The following TTC19 variants were observed in gnomAD, a reference collection of about 807,000 sequenced individuals.
The protein encoded by TTC19 is tetratricopeptide repeat protein 19, mitochondrial.
TTC19 carries 38 observed loss-of-function variants against 49.5 expected under a neutral mutation model. That is an observed-to-expected ratio of 0.77 (90% CI 0.59 to 1.01). The LOEUF (loss-of-function observed/expected upper bound fraction) is 1.01, where lower values mean the gene tolerates loss of function less well. Among genes scored for constraint, TTC19 ranks in the 50% least tolerant of loss-of-function variants. TTC19 has a pLI of 0.00. For missense variants in TTC19, 475 were observed against 477.7 expected, an observed-to-expected ratio of 0.99 and a Z score of 0.05; for synonymous variants, 204 against 185.2, an observed-to-expected ratio of 1.10 and a Z score of -0.83.
rs534021749 is a variant in TTC19 at position 16,034,554 on chromosome 17, G to A, written c.247+7852G>A. Among the ~76,000 whole-genome samples the A allele has an allele frequency of 8.7e-4, 132 of 152,216 alleles. 2 individuals carry two copies. Among genetic ancestry groups the A allele is most frequent in the South Asian group, 6.2e-3 (30 of 4,826 alleles). ...GCCTCAGAGGTCGAGGCTGCAGTGA[G>A]CCATGATCATGCCATTGCATTCCAG... On this transcript the variant is annotated intron_variant, in intron 2 of 2. Coordinates refer to the TTC19 transcript ENST00000470649.
chr17:16,044,491 T>C (rs2058324450), intron 2 of TTC19: 1 of 477,440 alleles, frequency 2.1e-6, no homozygotes, highest in South Asian at 1.5e-5. Flanking sequence ...AAGCAGATCG[T>C]CCTTTCCTCA....
At chr17:16,042,919 C>T (rs1163201273) in intron 2 of TTC19, among the ~76,000 whole-genome samples, 1 of 152,150 alleles carries the variant, frequency 6.6e-6, no homozygotes, top group African/African-American at 2.4e-5. Flanking sequence ...GAGTTTTCAG[C>T]ATACAAGCGA....
chr17:16,040,549 A>C, intron 2 of TTC19: 1 of 1,454,046 alleles, frequency 6.9e-7, no homozygotes, highest in Non-Finnish European at 9.5e-7. Context: ...TATATACCAA[A>C]CTAAAGTCTC....
chr17:16,001,261 C>T (rs1970720252), intron 2 of TTC19, among the ~76,000 whole-genome samples: 2 of 152,206 alleles, frequency 1.3e-5, no homozygotes, highest in South Asian at 2.1e-4. Context: ...CAACACCCCA[C>T]ATGATCTAAA....
At chr17:16,035,530 CTTTTTTTTTTTT>C (rs966987249) in intron 2 of TTC19, among the ~76,000 whole-genome samples, 1 of 118,340 alleles carries the variant, frequency 8.5e-6, no homozygotes, top group African/African-American at 3.1e-5. Flanking sequence ...TTCTCTTGTT[CTTTTTTTTTTTT>C]TTTTTTTTTT....
chr17:16,002,079 AG>A, intron 3 of TTC19, 54 bp downstream of exon 3: 1 of 1,172,270 alleles, frequency 8.5e-7, no homozygotes. Flanking sequence ...ATGGGAGGGA[AG>A]GGTAGTTAGT....
At chr17:16,004,549 T>G (rs545406020) in intron 6 of TTC19, among the ~76,000 whole-genome samples, 4 of 152,200 alleles carry the variant, frequency 2.6e-5, no homozygotes, top group African/African-American at 9.7e-5. Flanking sequence ...GTTAGAACTT[T>G]AGTTTAACTT....
At chr17:16,001,549 A>G (rs917818829) in intron 2 of TTC19, among the ~76,000 whole-genome samples, 17 of 152,178 alleles carry the variant, frequency 1.1e-4, no homozygotes, top group Non-Finnish European at 2.4e-4. Flanking sequence ...TGTCATCTTT[A>G]TAGCTCTTAT....
intron 6 of TTC19, among the ~76,000 whole-genome samples, chr17:16,005,330 T>A (rs1051218850): frequency 6.6e-6 from 1 of 152,190 alleles, no homozygotes; most frequent in Non-Finnish European, 1.5e-5. Flanking sequence ...TTGCCCTGTG[T>A]TATGGCTAGA....
intron 7 of TTC19, among the ~76,000 whole-genome samples, chr17:16,013,473 C>G (rs537256161): frequency 7.4e-4 from 112 of 152,246 alleles, no homozygotes; most frequent in African/African-American, 2.6e-3. Context: ...TCTCACTCAT[C>G]TTTCCTTATA....
chr17:16,039,856 T>C (rs901140499), intron 2 of TTC19: 7 of 524,508 alleles, frequency 1.3e-5, no homozygotes, highest in Non-Finnish European at 2.0e-5. Flanking sequence ...AGTGGCGCGA[T>C]CTTGGCTCAC....
chr17:16,024,960 T>G, intron 7 of TTC19, 57 bp from the exon 8 acceptor site: 1 of 1,545,416 alleles, frequency 6.5e-7, no homozygotes, highest in Non-Finnish European at 8.9e-7. Flanking sequence ...CTGACATATT[T>G]GTGGGTCCTG....
chr17:16,002,081 G>T, intron 3 of TTC19, 56 bp downstream of exon 3: 2 of 1,146,262 alleles, frequency 1.7e-6, no homozygotes. Flanking sequence ...GGGAGGGAAG[G>T]GTAGTTAGTT....
intron 9 of TTC19, 132 bp from the exon 10 acceptor site, chr17:16,027,242 A>G: frequency 2.9e-6 from 3 of 1,026,498 alleles, no homozygotes; most frequent in Non-Finnish European, 4.4e-6. Flanking sequence ...GGATGAAATG[A>G]GGCAGCACCA....
intron 2 of TTC19, among the ~76,000 whole-genome samples, chr17:16,035,530 CTTTTTTT>C (rs966987249): frequency 1.7e-5 from 2 of 118,340 alleles, no homozygotes; most frequent in East Asian, 2.5e-4. Context: ...TTCTCTTGTT[CTTTTTTT>C]TTTTTTTTTT....
At chr17:16,040,754 G>A (rs1158302387) in intron 2 of TTC19, 4 of 472,800 alleles carry the variant, frequency 8.5e-6, no homozygotes, top group East Asian at 4.7e-5. Flanking sequence ...AATAAGCTGT[G>A]TGCAGTGGTG....
At chr17:16,040,343 C>T (rs367682678) in intron 2 of TTC19, 7 of 981,370 alleles carry the variant, frequency 7.1e-6, no homozygotes, top group Non-Finnish European at 1.6e-6. Context: ...TTAGAGCAGT[C>T]ACTCCCCTGG....
chr17:16,033,741 AAGTATCCTGG>A (rs1847705430), downstream of TTC19, among the ~76,000 whole-genome samples: 1 of 152,224 alleles, frequency 6.6e-6, no homozygotes, highest in African/African-American at 2.4e-5. Flanking sequence ...AGAAAATAAT[AAGTATCCTGG>A]AGTATTGTTT....
intron 7 of TTC19, among the ~76,000 whole-genome samples, chr17:16,017,444 G>T (rs979887376): frequency 8.5e-6 from 1 of 117,846 alleles, no homozygotes; most frequent in African/African-American, 4.1e-5. Context: ...GTGAGACTCC[G>T]GCTCAAAAAA....
Sources: allele counts gnomAD v4.1 joint callset (sites outside exome capture counted in the v4.1 genomes callset), GRCh38; gene constraint gnomAD v4.1.1; transcripts MANE v1.5; gene names NCBI Gene and HGNC (gene_info 2026-07-23, HGNC 2026-07-21).